TBK1: variants seen among roughly 807,000 people sequenced by gnomAD.
TBK1 encodes the protein serine/threonine-protein kinase TBK1.
Under a neutral mutation model 99.9 loss-of-function variants are expected in TBK1, and 37 were observed. That is an observed-to-expected ratio of 0.37 (90% confidence interval 0.28 to 0.49). TBK1 has a LOEUF of 0.49. Ranked by LOEUF, TBK1 falls within the 20% of genes least tolerant of loss-of-function variation. The pLI is 0.98. For missense variants in TBK1, 644 were observed against 872.5 expected (o/e 0.74, Z 3.30); for synonymous variants, 258 against 279.8 (o/e 0.92, Z 0.78).
In TBK1 at chr12:64,501,704, C is replaced by A; in HGVS notation, c.*323C>A. 4.7e-6 allele frequency: 1 copy of A among 211,170 alleles called. No homozygotes were observed. The allele number at this position is 211,170 out of a possible 1,614,324, so 13.1% of individuals were successfully genotyped here. Reference sequence around the variant, plus strand: ...CTAAATAAGTTATTTTCTCTGACCGCCTACTGGAAATATTTTTAAGTGGAA... The same window carrying A: ...CTAAATAAGTTATTTTCTCTGACCGACTACTGGAAATATTTTTAAGTGGAA... On this transcript the variant is annotated 3_prime_UTR_variant, in exon 21 of 21. Coordinates refer to ENST00000331710, the MANE Select transcript of TBK1 (RefSeq NM_013254.4).
At position 64,495,634 on chromosome 12, in the gene TBK1, C is replaced by T. The variant is rs754681610; in HGVS notation, c.1643+30C>T. The T allele has an allele frequency of 3.1e-6, 5 of 1,613,020 alleles. No individual in the cohort carries two copies. In the South Asian group the frequency reaches 5.5e-5, roughly 18 times the overall value. ...GTTATAGCTTTATGCGTAGTTTCTGCTCTTATTAATGTCCTTTTTCACATT... is the reference window on the plus strand; with the variant it reads ...GTTATAGCTTTATGCGTAGTTTCTGTTCTTATTAATGTCCTTTTTCACATT... On this transcript the variant is annotated intron_variant, in intron 14 of 20. Transcript: ENST00000331710.
At chr12:64,481,768 A>G in intron 7 of TBK1, 74 bp from the exon 8 acceptor site, 1 of 1,098,976 alleles carries the variant, frequency 9.1e-7, no homozygotes, top group Non-Finnish European at 1.2e-6. Context: ...ATTTGCTGGT[A>G]AATACTATGA....
intron 5 of TBK1, among the ~76,000 whole-genome samples, chr12:64,469,464 C>T (rs151106671): frequency 3.9e-5 from 6 of 152,326 alleles, no homozygotes; most frequent in East Asian, 1.9e-4. Flanking sequence ...AGTCAACACA[C>T]ATCTTCATTC....
intron 5 of TBK1, among the ~76,000 whole-genome samples, chr12:64,472,162 C>T (rs568273538): frequency 1.3e-5 from 2 of 151,600 alleles, no homozygotes; most frequent in South Asian, 2.1e-4. Flanking sequence ...TGGACACTCA[C>T]GTCAATACCC....
At chr12:64,454,545 C>T (rs1435066130) in intron 1 of TBK1, among the ~76,000 whole-genome samples, 1 of 151,896 alleles carries the variant, frequency 6.6e-6, no homozygotes, top group African/African-American at 2.4e-5. Flanking sequence ...CTGCACCCGG[C>T]TGAGAAATAG....
At chr12:64,463,296 G>A (rs927424308) in intron 3 of TBK1, among the ~76,000 whole-genome samples, 28 of 151,726 alleles carry the variant, frequency 1.8e-4, no homozygotes, top group Middle Eastern at 3.4e-3. Context: ...GGAGAGTGGC[G>A]TGAACCCTGG....
intron 13 of TBK1, among the ~76,000 whole-genome samples, chr12:64,491,875 G>A (rs2040873179): frequency 1.3e-5 from 2 of 152,090 alleles, no homozygotes; most frequent in Admixed American, 1.3e-4. Flanking sequence ...TTTTTCAGTG[G>A]AACAGAATAG....
At chr12:64,493,096 G>T (rs1427627522) in intron 13 of TBK1, among the ~76,000 whole-genome samples, 1 of 151,542 alleles carries the variant, frequency 6.6e-6, no homozygotes, top group Non-Finnish European at 1.5e-5. Context: ...GGGTTTCACC[G>T]TATTAGCCAG....
intron 5 of TBK1, among the ~76,000 whole-genome samples, chr12:64,472,195 C>G (rs10878173): frequency 0.47 from 70,738 of 150,746 alleles, 19,266 homozygotes; most frequent in Non-Finnish European, 0.62. Flanking sequence ...TGTCTGCATT[C>G]TGATTTCTCA....
intron 11 of TBK1, 111 bp from the exon 12 acceptor site, chr12:64,488,376 C>A: frequency 1.8e-6 from 1 of 563,628 alleles, no homozygotes; most frequent in Admixed American, 4.0e-5. Context: ...TGATGAATAT[C>A]ATGAATATTG....
At chr12:64,485,314 AGTG>A (rs1443714895) in intron 9 of TBK1, 138 bp from the exon 10 acceptor site, 21 of 469,162 alleles carry the variant, frequency 4.5e-5, no homozygotes, top group Non-Finnish European at 7.9e-5. Context: ...TATTGTTTGA[AGTG>A]GTGTTTTTTT....
chr12:64,466,624 T>A (rs2040607280), intron 4 of TBK1, among the ~76,000 whole-genome samples: 1 of 152,116 alleles, frequency 6.6e-6, no homozygotes, highest in Non-Finnish European at 1.5e-5. Flanking sequence ...AATCATATGC[T>A]TAAGACTGTT....
chr12:64,490,645 G>T (rs1237621309), intron 13 of TBK1, among the ~76,000 whole-genome samples: 1 of 152,034 alleles, frequency 6.6e-6, no homozygotes, highest in Non-Finnish European at 1.5e-5. Context: ...TTTAGAAATA[G>T]ATTTAAATTA....
intron 20 of TBK1, 35 bp from the exon 21 acceptor site, chr12:64,501,295 G>A: frequency 6.2e-7 from 1 of 1,610,380 alleles, no homozygotes; most frequent in Non-Finnish European, 8.5e-7. Context: ...TGCAACTTTT[G>A]AGATTACCTT....
intron 18 of TBK1, 49 bp from the exon 19 acceptor site, chr12:64,497,598 TG>T (rs2040942010): frequency 7.9e-7 from 1 of 1,259,838 alleles, no homozygotes; most frequent in Admixed American, 2.3e-5. Flanking sequence ...ACTTTTGTTC[TG>T]TGATTAATGT....
chr12:64,499,281 G>T (rs1477867775), intron 20 of TBK1, among the ~76,000 whole-genome samples: 1 of 151,886 alleles, frequency 6.6e-6, no homozygotes, highest in Non-Finnish European at 1.5e-5. Flanking sequence ...CTGACCTCAG[G>T]TGATCCACTT....
intron 20 of TBK1, among the ~76,000 whole-genome samples, chr12:64,501,021 A>G (rs1367898994): frequency 6.6e-6 from 1 of 152,104 alleles, no homozygotes; most frequent in Non-Finnish European, 1.5e-5. Flanking sequence ...GGCCTCCCAA[A>G]GTGCTGGGAT....
chr12:64,463,425 G>A (rs2040570139), intron 3 of TBK1, among the ~76,000 whole-genome samples: 1 of 151,790 alleles, frequency 6.6e-6, no homozygotes, highest in African/African-American at 2.4e-5. Context: ...GTGACTGGGT[G>A]TGGTAGCTCA....
chr12:64,477,315 T>C (rs2040723664), intron 6 of TBK1, among the ~76,000 whole-genome samples: 1 of 152,238 alleles, frequency 6.6e-6, no homozygotes, highest in South Asian at 2.1e-4. Flanking sequence ...TGCTTTTCCA[T>C]TTGTTGTGTC....
Sources: allele counts gnomAD v4.1 joint callset (sites outside exome capture counted in the v4.1 genomes callset), GRCh38; gene constraint gnomAD v4.1.1; transcripts MANE v1.5; gene names NCBI Gene and HGNC (gene_info 2026-07-23, HGNC 2026-07-21).